The following CTNNA3 variants were observed in gnomAD, a reference collection of about 807,000 sequenced individuals.
CTNNA3 encodes catenin alpha 3, also known as catenin alpha-3.
A neutral mutation model predicts 95.7 loss-of-function variants in CTNNA3; 76 were observed. The ratio of observed to expected loss-of-function variants is 0.79; its 90% confidence interval spans 0.66 to 0.96. The LOEUF is 0.96. Among genes scored for constraint, CTNNA3 ranks in the 40% least tolerant of loss-of-function variants. The probability of loss-of-function intolerance (pLI) is 0.00; values close to 1 mark genes in which losing one functional copy is unlikely to be tolerated. For missense variants in CTNNA3, 1,191 were observed against 1,089.8 expected (o/e 1.09, Z -1.31); for synonymous variants, 431 against 374.4 (o/e 1.15, Z -1.74).
intron 17 of CTNNA3, among the ~76,000 whole-genome samples, chr10:65,965,635 C>T (rs544837613): frequency 2.0e-5 from 3 of 152,004 alleles, no homozygotes; most frequent in African/African-American, 7.2e-5. Context: ...GAACTCCTGA[C>T]CTCAAGTGAT....
chr10:66,962,260 T>C (rs914059063), intron 7 of CTNNA3, among the ~76,000 whole-genome samples: 1 of 152,232 alleles, frequency 6.6e-6, no homozygotes, highest in Non-Finnish European at 1.5e-5. Flanking sequence ...CTCACTGACC[T>C]TATCACCCAC....
intron 5 of CTNNA3, among the ~76,000 whole-genome samples, chr10:67,232,317 C>A (rs1307728399): frequency 6.6e-6 from 1 of 152,166 alleles, no homozygotes; most frequent in Non-Finnish European, 1.5e-5. Flanking sequence ...GATCTCTCAG[C>A]AGAAACTCTA....
chr10:66,502,976 G>T (rs756504203), intron 11 of CTNNA3, among the ~76,000 whole-genome samples: 2 of 152,024 alleles, frequency 1.3e-5, no homozygotes, highest in Admixed American at 1.3e-4. Flanking sequence ...TGATAGTCAT[G>T]CACCCTAGCT....
chr10:67,462,317 T>C (rs1171059393), intron 5 of CTNNA3, among the ~76,000 whole-genome samples: 3 of 152,186 alleles, frequency 2.0e-5, no homozygotes, highest in Non-Finnish European at 4.4e-5. Flanking sequence ...CTACTCAACA[T>C]TCAGGTAATT....
At chr10:66,621,540 C>A (rs530423626) in intron 10 of CTNNA3, 152 bp downstream of exon 10, 3 of 479,618 alleles carry the variant, frequency 6.3e-6, no homozygotes, top group South Asian at 3.2e-5. Flanking sequence ...TGCAGTCAGT[C>A]GAGATTGCGC....
intron 11 of CTNNA3, among the ~76,000 whole-genome samples, chr10:66,426,076 G>A (rs548746471): frequency 6.6e-6 from 1 of 152,064 alleles, no homozygotes; most frequent in South Asian, 2.1e-4. Flanking sequence ...CATTTTCATT[G>A]TTTTGTAGTA....
chr10:65,976,848 T>C (rs981944720), intron 16 of CTNNA3, among the ~76,000 whole-genome samples: 1 of 152,154 alleles, frequency 6.6e-6, no homozygotes, highest in Non-Finnish European at 1.5e-5. Context: ...GTTCTGCATG[T>C]TTCTTATACA....
chr10:67,273,389 G>A (rs1349470491), intron 5 of CTNNA3, among the ~76,000 whole-genome samples: 1 of 151,988 alleles, frequency 6.6e-6, no homozygotes, highest in Admixed American at 6.6e-5. Context: ...TATTCATTAG[G>A]GGAATGCAAA....
chr10:66,908,013 C>T (rs570789936), intron 7 of CTNNA3, among the ~76,000 whole-genome samples: 6 of 152,158 alleles, frequency 3.9e-5, no homozygotes, highest in African/African-American at 1.4e-4. Context: ...CTTCACTACA[C>T]ATAGCACATC....
chr10:67,537,840 G>T (rs983898920), intron 4 of CTNNA3, among the ~76,000 whole-genome samples: 1 of 152,074 alleles, frequency 6.6e-6, no homozygotes, highest in Non-Finnish European at 1.5e-5. Context: ...TCAGTAATTT[G>T]TCTGTGGTTA....
rs1390818748 is a variant in CTNNA3, at chr10:66,894,990, T to A, written c.1048-119466A>T. Among the ~76,000 whole-genome samples the A allele has an allele frequency of 3.7e-3, 532 of 144,380 alleles. 2 individuals carry two copies. Among genetic ancestry groups the A allele is most frequent in the African/African-American group, 0.013 (504 of 38,980 alleles). 94.7% of individuals were successfully genotyped at this position (144,380 alleles called of 152,430 possible). A position where few individuals can be genotyped will look rare whatever the true frequency, so the allele number is the denominator to read the frequency against. ...AAAAATGAAGAAATTCACAATAAAT[T>A]ATATATATTTATATATAATTGTGCC... is the stretch of plus-strand genomic sequence containing the variant. On this transcript the variant is annotated intron_variant, in intron 7 of 17. Transcript: ENST00000433211.
intron 7 of CTNNA3, among the ~76,000 whole-genome samples, chr10:67,151,840 G>A (rs1388875672): frequency 6.6e-6 from 1 of 152,188 alleles, no homozygotes; most frequent in African/African-American, 2.4e-5. Context: ...GCAAACTTAA[G>A]ATTATCCATT....
intron 15 of CTNNA3, among the ~76,000 whole-genome samples, chr10:66,048,167 A>C (rs2133524482): frequency 6.6e-6 from 1 of 152,346 alleles, no homozygotes; most frequent in African/African-American, 2.4e-5. Flanking sequence ...TGAATAGCCA[A>C]GGCAATCCTA....
At position 66,907,210 on chromosome 10, in the gene CTNNA3, G is replaced by A. The variant is rs142072496; in HGVS notation, c.1048-131686C>T. ...GGTATAAACTGTGCACATTTCTTAAGCTTACTCAGAGGTAAGTTATAATTT... is the reference window on the plus strand; with the variant it reads ...GGTATAAACTGTGCACATTTCTTAAACTTACTCAGAGGTAAGTTATAATTT... On this transcript the variant is annotated intron_variant, in intron 7 of 17. Coordinates refer to ENST00000433211, the MANE Select transcript of CTNNA3 (RefSeq NM_013266.4). 5.2e-3 allele frequency among the ~76,000 whole-genome samples: 789 copies of A among 152,094 alleles called. 6 individuals carry two copies. Among genetic ancestry groups the A allele is most frequent in the African/African-American group, 0.018 (736 of 41,508 alleles).
intron 6 of CTNNA3, among the ~76,000 whole-genome samples, chr10:67,215,938 T>C (rs758584985): frequency 1.3e-4 from 20 of 152,176 alleles, no homozygotes; most frequent in Non-Finnish European, 2.4e-4. Flanking sequence ...TTTGTGCTTT[T>C]TGTATCAGCC....
At chr10:67,492,973 C>T (rs765624553) in intron 5 of CTNNA3, among the ~76,000 whole-genome samples, 1 of 152,126 alleles carries the variant, frequency 6.6e-6, no homozygotes, top group Non-Finnish European at 1.5e-5. Flanking sequence ...CCCTCCTCTA[C>T]AATTAACAAT....
At chr10:66,576,071 G>A (rs540584544) in intron 10 of CTNNA3, among the ~76,000 whole-genome samples, 1 of 152,164 alleles carries the variant, frequency 6.6e-6, no homozygotes, top group African/African-American at 2.4e-5. Context: ...AGGAAACCGA[G>A]CACAAAGCAG....
intron 7 of CTNNA3, among the ~76,000 whole-genome samples, chr10:67,135,583 G>T (rs1327417718): frequency 1.3e-5 from 2 of 152,154 alleles, no homozygotes; most frequent in Admixed American, 6.6e-5. Flanking sequence ...GCTGAGGCAG[G>T]AGGATTACTT....
At chr10:67,010,571 A>G (rs1484933012) in intron 7 of CTNNA3, among the ~76,000 whole-genome samples, 1 of 152,166 alleles carries the variant, frequency 6.6e-6, no homozygotes, top group Non-Finnish European at 1.5e-5. Context: ...ACTAGCTACA[A>G]TCATCCTCTT....
Sources: allele counts gnomAD v4.1 joint callset (sites outside exome capture counted in the v4.1 genomes callset), GRCh38; gene constraint gnomAD v4.1.1; transcripts MANE v1.5; gene names NCBI Gene and HGNC (gene_info 2026-07-23, HGNC 2026-07-21).